The following PTPRR variants were observed in gnomAD, a reference collection of about 807,000 sequenced individuals.
PTPRR encodes receptor-type tyrosine-protein phosphatase R.
PTPRR carries 38 observed loss-of-function variants against 77.2 expected under a neutral mutation model. That is an observed-to-expected ratio of 0.49 (90% CI 0.38 to 0.65). The LOEUF is 0.65. PTPRR is among the 30% of genes least tolerant of loss of function. The pLI is 0.00. For synonymous variants in PTPRR, 299 were observed against 283.1 expected (o/e 1.06, Z -0.57); for missense variants, 744 against 799.2 (o/e 0.93, Z 0.83).
intron 10 of PTPRR, among the ~76,000 whole-genome samples, chr12:70,673,234 C>A (rs1460922475): frequency 6.6e-6 from 1 of 152,062 alleles, no homozygotes; most frequent in Non-Finnish European, 1.5e-5. Context: ...TAGGAAATGT[C>A]TTCTGCCTAA....
At chr12:70,701,432 C>A in intron 6 of PTPRR, 109 bp from the exon 7 acceptor site, 1 of 926,064 alleles carries the variant, frequency 1.1e-6, no homozygotes, top group Non-Finnish European at 1.6e-6. Context: ...ACAGAAATAA[C>A]AACCAACTAT....
intron 10 of PTPRR, among the ~76,000 whole-genome samples, chr12:70,673,668 G>A (rs1352998021): frequency 1.3e-5 from 2 of 151,924 alleles, no homozygotes; most frequent in Non-Finnish European, 2.9e-5. Context: ...ATATTTAAGG[G>A]CATGAATGCA....
chr12:70,749,870 C>G (rs1201622687), intron 5 of PTPRR, among the ~76,000 whole-genome samples: 3 of 152,122 alleles, frequency 2.0e-5, no homozygotes, highest in Non-Finnish European at 4.4e-5. Context: ...TCATAAATGT[C>G]TTTGTACTTG....
intron 2 of PTPRR, among the ~76,000 whole-genome samples, chr12:70,869,133 A>G (rs1397779206): frequency 6.6e-6 from 1 of 151,956 alleles, no homozygotes; most frequent in African/African-American, 2.4e-5. Flanking sequence ...ATGAATACAT[A>G]TGTAACAAAC....
At chr12:70,833,822 A>G (rs1302709857) in intron 2 of PTPRR, among the ~76,000 whole-genome samples, 1 of 152,182 alleles carries the variant, frequency 6.6e-6, no homozygotes, top group Admixed American at 6.5e-5. Context: ...TATTGAATAC[A>G]TAAAGAACTT....
At chr12:70,793,298 T>C (rs1891453403) in intron 2 of PTPRR, among the ~76,000 whole-genome samples, 1 of 152,172 alleles carries the variant, frequency 6.6e-6, no homozygotes, top group African/African-American at 2.4e-5. Flanking sequence ...GAGTTTTCAA[T>C]GGAAATTCTA....
intron 2 of PTPRR, among the ~76,000 whole-genome samples, chr12:70,883,435 C>T (rs1893183385): frequency 6.6e-6 from 1 of 152,146 alleles, no homozygotes; most frequent in Non-Finnish European, 1.5e-5. Flanking sequence ...CCTAAGTGTG[C>T]ATAATATCTT....
At chr12:70,703,197 C>A (rs1264044059) in intron 6 of PTPRR, among the ~76,000 whole-genome samples, 1 of 151,986 alleles carries the variant, frequency 6.6e-6, no homozygotes, top group Admixed American at 6.6e-5. Context: ...TAAATGTTAC[C>A]AATATTACTT....
chr12:70,751,783 C>T (rs1012666674), intron 5 of PTPRR, among the ~76,000 whole-genome samples: 8 of 152,068 alleles, frequency 5.3e-5, no homozygotes, highest in Admixed American at 2.6e-4. Flanking sequence ...TTCATTTTCC[C>T]GTTATTAACA....
chr12:70,806,438 G>C (rs1245817773), intron 2 of PTPRR, among the ~76,000 whole-genome samples: 1 of 152,132 alleles, frequency 6.6e-6, no homozygotes, highest in Non-Finnish European at 1.5e-5. Flanking sequence ...AAGTAATGCA[G>C]GTTAGGTCCA....
At chr12:70,846,860 T>C (rs767196938) in intron 2 of PTPRR, among the ~76,000 whole-genome samples, 2 of 152,162 alleles carry the variant, frequency 1.3e-5, no homozygotes, top group African/African-American at 2.4e-5. Flanking sequence ...TGGACTCAGA[T>C]AGGCATCTGT....
At chr12:70,741,924 T>A (rs142380954) in intron 6 of PTPRR, among the ~76,000 whole-genome samples, 2 of 152,212 alleles carry the variant, frequency 1.3e-5, no homozygotes, top group African/African-American at 2.4e-5. Context: ...TTCCTATGCC[T>A]CCATTTGGGG....
intron 6 of PTPRR, among the ~76,000 whole-genome samples, chr12:70,702,040 T>C (rs1296381624): frequency 6.6e-6 from 1 of 152,096 alleles, no homozygotes; most frequent in African/African-American, 2.4e-5. Flanking sequence ...TATTTATGTG[T>C]ATATGTATGC....
intron 1 of PTPRR, among the ~76,000 whole-genome samples, chr12:70,898,085 TG>T (rs1893464651): frequency 6.6e-6 from 1 of 151,838 alleles, no homozygotes; most frequent in Non-Finnish European, 1.5e-5. Flanking sequence ...CACACCAACA[TG>T]GCACATGTAT....
At chr12:70,877,732 G>T (rs1592809653) in intron 2 of PTPRR, among the ~76,000 whole-genome samples, 1 of 152,044 alleles carries the variant, frequency 6.6e-6, no homozygotes, top group Admixed American at 6.6e-5. Flanking sequence ...TTTCTTCACA[G>T]AATTGGAAAA....
At chr12:70,771,398 G>T (rs1168909565) in intron 2 of PTPRR, among the ~76,000 whole-genome samples, 1 of 152,002 alleles carries the variant, frequency 6.6e-6, no homozygotes, top group Non-Finnish European at 1.5e-5. Flanking sequence ...GACTGCTAGA[G>T]GAGAGAGGGA....
intron 6 of PTPRR, among the ~76,000 whole-genome samples, chr12:70,727,648 A>G (rs1456824784): frequency 1.3e-5 from 2 of 152,168 alleles, no homozygotes; most frequent in African/African-American, 4.8e-5. Context: ...TCTTGGATAC[A>G]TTGAGGGGAA....
In PTPRR at chr12:70,825,316, G is replaced by T. The variant is rs1472123528; in HGVS notation, c.358-60538C>A. Among the ~76,000 whole-genome samples the T allele has an allele frequency of 3.9e-5, 6 of 152,140 alleles. 1 individual carries two copies. The highest frequency in any genetic ancestry group is 3.9e-4 in the Admixed American group (6 of 15,278). ...ATAAAAAATAAAAAAATAAATAAAT[G>T]TTAAGTTACTTGTCAAAATTCACTT... On this transcript the variant is annotated intron_variant, in intron 2 of 13. Coordinates refer to ENST00000283228, the MANE Select transcript of PTPRR (RefSeq NM_002849.4).
At chr12:70,804,461 A>C (rs1322299742) in intron 2 of PTPRR, among the ~76,000 whole-genome samples, 1 of 151,748 alleles carries the variant, frequency 6.6e-6, no homozygotes, top group Non-Finnish European at 1.5e-5. Flanking sequence ...TGGGAGGCTG[A>C]GGTGGGAGGA....
Sources: allele counts gnomAD v4.1 joint callset (sites outside exome capture counted in the v4.1 genomes callset), GRCh38; gene constraint gnomAD v4.1.1; transcripts MANE v1.5; gene names NCBI Gene and HGNC (gene_info 2026-07-23, HGNC 2026-07-21).